The following FAT3 variants were observed in gnomAD, a reference collection of about 807,000 sequenced individuals.
FAT3 encodes FAT atypical cadherin 3, also known as protocadherin Fat 3.
A neutral mutation model predicts 310.2 loss-of-function variants in FAT3; 95 were observed. The ratio of observed to expected loss-of-function variants is 0.31; its 90% CI spans 0.26 to 0.36. The LOEUF is 0.36. Among genes scored for constraint, FAT3 ranks in the 10% least tolerant of loss-of-function variants. The pLI is 1.00. For synonymous variants in FAT3, 2,314 were observed against 2,192.9 expected (o/e 1.06, Z -1.54); for missense variants, 5,408 against 5,715.6 (o/e 0.95, Z 1.74).
At chr11:92,355,869 G>T (rs1164810874) in intron 2 of FAT3, among the ~76,000 whole-genome samples, 1 of 152,152 alleles carries the variant, frequency 6.6e-6, no homozygotes, top group Non-Finnish European at 1.5e-5. Flanking sequence ...TAGTTGCTTG[G>T]TCTTTTATCT....
intron 3 of FAT3, among the ~76,000 whole-genome samples, chr11:92,684,719 T>C (rs904120535): frequency 2.6e-5 from 4 of 152,170 alleles, no homozygotes; most frequent in Non-Finnish European, 5.9e-5. Flanking sequence ...TGGCAGTCTT[T>C]GGTGCTTCCT....
chr11:92,727,582 G>C (rs905307386), intron 4 of FAT3, among the ~76,000 whole-genome samples: 1 of 152,186 alleles, frequency 6.6e-6, no homozygotes, highest in Non-Finnish European at 1.5e-5. Context: ...AGGAGGACCA[G>C]TGCTGAGCAT....
At chr11:92,745,182 T>C (rs763932051) in intron 4 of FAT3, among the ~76,000 whole-genome samples, 1 of 152,216 alleles carries the variant, frequency 6.6e-6, no homozygotes, top group African/African-American at 2.4e-5. Context: ...GCTACCAATA[T>C]ATACTTTCTG....
chr11:92,638,019 C>T (rs1407638494), intron 3 of FAT3, among the ~76,000 whole-genome samples: 4 of 152,146 alleles, frequency 2.6e-5, no homozygotes, highest in African/African-American at 4.8e-5. Context: ...GGTCCATGTA[C>T]TTCATGTTAT....
chr11:92,593,135 T>G (rs1313845286), intron 3 of FAT3, among the ~76,000 whole-genome samples: 1 of 152,158 alleles, frequency 6.6e-6, no homozygotes, highest in Non-Finnish European at 1.5e-5. Flanking sequence ...GTGTCGGAAT[T>G]TCCTTCCTTT....
chr11:92,378,818 T>C (rs1416855036), intron 2 of FAT3, among the ~76,000 whole-genome samples: 1 of 152,172 alleles, frequency 6.6e-6, no homozygotes, highest in Non-Finnish European at 1.5e-5. Context: ...GAGGACCTGC[T>C]TTCTGGTTCA....
At chr11:92,269,960 A>G (rs959634755) in intron 1 of FAT3, among the ~76,000 whole-genome samples, 3 of 152,088 alleles carry the variant, frequency 2.0e-5, no homozygotes, top group Non-Finnish European at 4.4e-5. Flanking sequence ...GCGTTAAGTT[A>G]TTAGTGTGGA....
At chr11:92,283,439 G>A (rs10830893) in intron 1 of FAT3, among the ~76,000 whole-genome samples, 51,545 of 151,948 alleles carry the variant, frequency 0.34, 10,652 homozygotes, top group South Asian at 0.45. Context: ...TGGTTCTATC[G>A]GTACACTGGC....
chr11:92,647,809 C>T (rs1312284427), intron 3 of FAT3, among the ~76,000 whole-genome samples: 1 of 152,064 alleles, frequency 6.6e-6, no homozygotes, highest in Non-Finnish European at 1.5e-5. Flanking sequence ...TAGACATTTG[C>T]TTCATGTTTG....
intron 2 of FAT3, among the ~76,000 whole-genome samples, chr11:92,386,567 A>G (rs1591208473): frequency 1.3e-5 from 2 of 152,238 alleles, no homozygotes; most frequent in East Asian, 3.8e-4. Flanking sequence ...AATGTTAGTT[A>G]TTATTATTGC....
chr11:92,238,660 G>A (rs1329354861), intron 1 of FAT3, among the ~76,000 whole-genome samples: 1 of 152,006 alleles, frequency 6.6e-6, no homozygotes, highest in Non-Finnish European at 1.5e-5. Flanking sequence ...TGAGAAGCCT[G>A]CACAGAACTA....
intron 4 of FAT3, among the ~76,000 whole-genome samples, chr11:92,753,994 G>A (rs967518929): frequency 6.6e-5 from 10 of 151,804 alleles, no homozygotes; most frequent in African/African-American, 2.2e-4. Context: ...CTTGGGGGAA[G>A]GTGGAGGAGG....
rs1196404353 is a variant in FAT3 at position 92,412,732 on chromosome 11, T to TACAC, written c.3292+57329_3292+57330insCACA. Among the ~76,000 whole-genome samples the TACAC allele has an allele frequency of 2.6e-3, 46 of 17,954 alleles. 2 individuals are homozygous for TACAC. Among genetic ancestry groups the TACAC allele is most frequent in the Middle Eastern group, 0.062 (1 of 16 alleles). The allele number at this position is 17,954 out of a possible 152,430, so 11.8% of individuals were successfully genotyped here. On this transcript the variant is annotated intron_variant, in intron 2 of 27. Transcript: ENST00000525166. Reference sequence around the variant, plus strand: ...ATATATATATATATATATATATATATATATATATATATAAATATACATACA... The same window carrying TACAC: ...ATATATATATATATATATATATATATACACATATATATATATAAATATACATACA...
chr11:92,881,015 T>A, intron 23 of FAT3, 131 bp downstream of exon 23: 1 of 974,040 alleles, frequency 1.0e-6, no homozygotes, highest in Non-Finnish European at 1.5e-6. Context: ...GCACGATACG[T>A]ATAAGGAGTG....
intron 1 of FAT3, among the ~76,000 whole-genome samples, chr11:92,260,110 G>A (rs1014199505): frequency 1.3e-5 from 2 of 152,158 alleles, no homozygotes; most frequent in African/African-American, 2.4e-5. Flanking sequence ...ACCTGTCAGC[G>A]TGACCCGGTT....
chr11:92,845,271 G>A (rs1273437024), intron 19 of FAT3, among the ~76,000 whole-genome samples: 1 of 152,264 alleles, frequency 6.6e-6, no homozygotes, highest in East Asian at 1.9e-4. Context: ...TCCCAAGGCA[G>A]TGAGAGCCAT....
intron 3 of FAT3, among the ~76,000 whole-genome samples, chr11:92,596,478 C>G (rs1323742221): frequency 6.6e-6 from 1 of 152,124 alleles, no homozygotes; most frequent in Non-Finnish European, 1.5e-5. Context: ...CCTGCAGATA[C>G]AGTGCTCCAG....
intron 3 of FAT3, among the ~76,000 whole-genome samples, chr11:92,529,797 C>T (rs542389486): frequency 6.6e-6 from 1 of 152,296 alleles, no homozygotes; most frequent in East Asian, 1.9e-4. Flanking sequence ...TGCAGTTGCT[C>T]TGTCTCCCTT....
chr11:92,767,291 A>G (rs924508303), intron 6 of FAT3, among the ~76,000 whole-genome samples: 3 of 151,708 alleles, frequency 2.0e-5, no homozygotes, highest in Non-Finnish European at 4.4e-5. Context: ...ATGCAGCAGA[A>G]ACCGAATAGG....
Sources: gnomAD v4.1 joint callset for allele counts (sites outside exome capture counted in the v4.1 genomes callset) on GRCh38, gnomAD v4.1.1 for gene constraint, MANE v1.5 for transcripts, NCBI Gene and HGNC (gene_info 2026-07-23, HGNC 2026-07-21) for gene names.